The following STX17 variants were observed in gnomAD, a reference collection of about 807,000 sequenced individuals.
STX17 encodes the protein syntaxin-17.
Under a neutral mutation model 35.9 loss-of-function variants are expected in STX17, and 29 were observed. The ratio of observed to expected loss-of-function variants is 0.81; its 90% CI spans 0.60 to 1.10. The LOEUF (loss-of-function observed/expected upper bound fraction) is 1.10. Ranked by LOEUF, STX17 falls within the 50% of genes least tolerant of loss-of-function variation. The pLI is 0.00. For synonymous variants in STX17, 92 were observed against 118.3 expected (o/e 0.78, Z 1.44); for missense variants, 312 against 352.3 (o/e 0.89, Z 0.92).
intron 4 of STX17, chr9:99,953,931 G>C (rs1391309959): frequency 1.3e-5 from 2 of 151,904 alleles, no homozygotes; most frequent in African/African-American, 4.8e-5. Context: ...GAGAAATTGG[G>C]TGATTATTAT....
intron 1 of STX17, among the ~76,000 whole-genome samples, chr9:99,913,038 G>T (rs577918327): frequency 3.7e-4 from 56 of 151,882 alleles, no homozygotes; most frequent in African/African-American, 1.2e-3. Context: ...GCACTTTGAA[G>T]GTATTTCTGT....
intron 1 of STX17, among the ~76,000 whole-genome samples, chr9:99,908,443 ATTTG>A (rs1453903666): frequency 6.6e-6 from 1 of 151,962 alleles, no homozygotes; most frequent in Non-Finnish European, 1.5e-5. Context: ...CCCATTTCCC[ATTTG>A]TTTATTTGTA....
At position 99,968,847 on chromosome 9, in the gene STX17, G is replaced by A; in HGVS notation, c.*174G>A. 1 of 1,016,092 alleles carries A rather than the reference G, an allele frequency of 9.8e-7. No individual in the cohort carries two copies. Among genetic ancestry groups the A allele is most frequent in the Non-Finnish European group, 1.4e-6 (1 of 726,118 alleles). 62.9% of individuals were successfully genotyped at this position (1,016,092 alleles called of 1,614,324 possible). ...TTTTGTTGTTTGCTGGGGTGTTCAT[G>A]GAGATGTTAAGAGATTGAGGCCCTG... On this transcript the variant is annotated 3_prime_UTR_variant, in exon 8 of 8. Transcript: ENST00000259400.
chr9:99,934,216 C>T (rs975907006), intron 3 of STX17, among the ~76,000 whole-genome samples: 34 of 152,094 alleles, frequency 2.2e-4, no homozygotes, highest in Admixed American at 1.5e-3. Flanking sequence ...GGCATAGTGT[C>T]AGTGCTCTTA....
Position 99,967,680 on chromosome 9 carries a change from G to A in STX17, c.610G>A (p.Ala204Thr). 1 of 1,613,768 alleles carries A rather than the reference G, an allele frequency of 6.2e-7. No homozygotes were observed. Among genetic ancestry groups the A allele is most frequent in the Non-Finnish European group, 8.5e-7 (1 of 1,179,842 alleles). ...TCAGCAGGAGAAGATTGACAGCATT[G>A]CAGACCATGTCAACAGTGCTGCTGT... ...NSQQEKIDSI[A>T]DHVNSAAVNV... is the part of the protein sequence containing the mutation. The change falls in exon 7 of 8, where the codon GCA (alanine) becomes ACA (threonine). Residue 204 changes from alanine to threonine, a missense_variant. By Grantham distance (58) the Ala-to-Thr change is moderately conservative. Transcript: ENST00000259400.
At chr9:99,941,156 C>T (rs533514730) in intron 3 of STX17, among the ~76,000 whole-genome samples, 1 of 152,346 alleles carries the variant, frequency 6.6e-6, no homozygotes, top group South Asian at 2.1e-4. Flanking sequence ...TGTTGGACCA[C>T]TACTTTGCCA....
intron 2 of STX17, among the ~76,000 whole-genome samples, chr9:99,921,703 G>A (rs1475392127): frequency 2.0e-5 from 3 of 151,420 alleles, no homozygotes; most frequent in African/African-American, 7.3e-5. Flanking sequence ...TGAAAATTGG[G>A]TCAATATTTG....
At chr9:99,942,060 C>T (rs1829376113) in intron 3 of STX17, among the ~76,000 whole-genome samples, 1 of 152,214 alleles carries the variant, frequency 6.6e-6, no homozygotes, top group Non-Finnish European at 1.5e-5. Flanking sequence ...TTTTCCAAAA[C>T]AGTAATGTTA....
Position 99,968,696 on chromosome 9 carries a change from G to T in STX17, c.*23G>T, listed in dbSNP as rs772291814. ...TAAAAACCAAATTTCAGTATTATTG[G>T]TGCCAACATGTCTATCCTGAGGACC... On this transcript the variant is annotated 3_prime_UTR_variant, in exon 8 of 8. Transcript: ENST00000259400. 6 of 1,603,986 alleles carry T rather than the reference G, an allele frequency of 3.7e-6. No homozygotes were observed. The highest frequency in any genetic ancestry group is 1.7e-5 in the Admixed American group (1 of 59,448).
chr9:99,967,620 A>G, intron 6 of STX17, 33 bp from the exon 7 acceptor site: 3 of 1,601,908 alleles, frequency 1.9e-6, no homozygotes, highest in Non-Finnish European at 2.6e-6. Context: ...GCTCCCCAGC[A>G]GGACCGCTCA....
In STX17 at chr9:99,964,867, T is replaced by C. The variant is rs989166686; in HGVS notation, c.583-2786T>C. ...TAGTTTGCTGCCTAACTGTAACCTT[T>C]GTGGGGGTCAGTGAGTCCTCCTTAC... is the stretch of plus-strand genomic sequence containing the variant. On this transcript the variant is annotated intron_variant, in intron 6 of 7. Coordinates refer to ENST00000259400, the MANE Select transcript of STX17 (RefSeq NM_017919.3). Among the ~76,000 whole-genome samples the C allele has an allele frequency of 5.9e-5, 9 of 152,146 alleles. No homozygotes were observed. In the South Asian group the frequency reaches 8.3e-4, roughly 14 times the overall value.
chr9:99,957,292 G>A (rs180927382), intron 4 of STX17, among the ~76,000 whole-genome samples: 64 of 152,176 alleles, frequency 4.2e-4, no homozygotes, highest in African/African-American at 1.3e-3. Context: ...CCCACAGCTC[G>A]GAAGTCTCAT....
chr9:99,920,100 A>G (rs1034125404), intron 2 of STX17, among the ~76,000 whole-genome samples: 6 of 152,158 alleles, frequency 3.9e-5, no homozygotes, highest in African/African-American at 1.4e-4. Context: ...TTGTGTTTCA[A>G]GATAGGCAAG....
Position 99,970,347 on chromosome 9 carries a change from G to A in STX17, c.*1674G>A, listed in dbSNP as rs892584629. On this transcript the variant is annotated 3_prime_UTR_variant, in exon 8 of 8. Transcript: ENST00000259400. Reference sequence around the variant, plus strand: ...AAATAACTAGAAAGTATCAAGTATTGCTCTCTGCTGCTTTATATCATTAAC... The same window carrying A: ...AAATAACTAGAAAGTATCAAGTATTACTCTCTGCTGCTTTATATCATTAAC... 1 of 152,068 alleles carries A rather than the reference G, an allele frequency of 6.6e-6. No individual in the cohort carries two copies. Among genetic ancestry groups the A allele is most frequent in the Non-Finnish European group, 1.5e-5 (1 of 68,016 alleles). The allele number at this position is 152,068 out of a possible 1,614,324, so 9.4% of individuals were successfully genotyped here.
chr9:99,957,411 A>G (rs1053362200), intron 4 of STX17, among the ~76,000 whole-genome samples: 23 of 152,148 alleles, frequency 1.5e-4, no homozygotes, highest in Non-Finnish European at 7.3e-5. Flanking sequence ...AAATTCCTTG[A>G]GAGAATGTAC....
At chr9:99,912,758 A>C (rs947100464) in intron 1 of STX17, among the ~76,000 whole-genome samples, 2 of 152,200 alleles carry the variant, frequency 1.3e-5, no homozygotes, top group Non-Finnish European at 2.9e-5. Context: ...AAACATTTTT[A>C]TTATACTTCA....
rs1406010576 is a variant in STX17, at chr9:99,971,436, A to ATTGT, written c.*2766_*2769dup. On this transcript the variant is annotated 3_prime_UTR_variant, in exon 8 of 8. Coordinates refer to ENST00000259400, the MANE Select transcript of STX17 (RefSeq NM_017919.3). ...AATACTTACCATTCTGATGCTTTTT[A>ATTGT]TTGTTTCAGTTTTTAAAATATGCCA... 2.0e-5 allele frequency among the ~76,000 whole-genome samples: 3 copies of ATTGT among 152,036 alleles called. No individual in the cohort carries two copies. Among genetic ancestry groups the ATTGT allele is most frequent in the Non-Finnish European group, 2.9e-5 (2 of 68,018 alleles).
intron 6 of STX17, 106 bp downstream of exon 6, chr9:99,960,261 T>G: frequency 8.7e-7 from 1 of 1,151,364 alleles, no homozygotes; most frequent in Non-Finnish European, 1.2e-6. Flanking sequence ...TTATAATTTT[T>G]AAGACTGGTA....
At position 99,928,870 on chromosome 9, in the gene STX17, A is replaced by G. The variant is rs201923761; in HGVS notation, c.189+27A>G. 1.8e-5 allele frequency: 29 copies of G among 1,604,128 alleles called. No individual in the cohort carries two copies. The Admixed American group carries it at 3.7e-4, about 20-fold the overall frequency. On this transcript the variant is annotated intron_variant, in intron 3 of 7. Coordinates refer to ENST00000259400, the MANE Select transcript of STX17 (RefSeq NM_017919.3). ...TAAGGCTATTATATTTTTTCTGCTA[A>G]ATCAGTATGAAAAAGACAGTCTTAA... is the stretch of plus-strand genomic sequence containing the variant.
Sources: gnomAD v4.1 joint callset for allele counts (sites outside exome capture counted in the v4.1 genomes callset) on GRCh38, gnomAD v4.1.1 for gene constraint, MANE v1.5 for transcripts, NCBI Gene and HGNC (gene_info 2026-07-23, HGNC 2026-07-21) for gene names.